The following JARID2 variants were observed in gnomAD, a reference collection of about 807,000 sequenced individuals.
The protein encoded by JARID2 is jumonji and AT-rich interaction domain containing 2, also known as protein Jumonji.
A neutral mutation model predicts 125.6 loss-of-function variants in JARID2; 21 were observed. The ratio of observed to expected loss-of-function variants is 0.17; its 90% CI spans 0.12 to 0.24. The LOEUF is 0.24. Among genes scored for constraint, JARID2 ranks in the 10% least tolerant of loss-of-function variants. The pLI is 1.00. For synonymous variants in JARID2, 736 were observed against 661.6 expected (o/e 1.11, Z -1.73); for missense variants, 1,303 against 1,639.6 (o/e 0.79, Z 3.55).
chr6:15,376,063 G>T (rs1764341630), intron 2 of JARID2, among the ~76,000 whole-genome samples: 2 of 152,194 alleles, frequency 1.3e-5, no homozygotes, highest in South Asian at 4.1e-4. Flanking sequence ...TTTAGCTCTG[G>T]CAGAGTCAAG....
Position 15,410,322 on chromosome 6 carries a change from G to A in JARID2, c.280G>A (p.Asp94Asn), listed in dbSNP as rs759623258. ...ATCCCAAGTGTCCTCCACTAGCAAC[G>A]ATGTTAGTTCTTCAGATTTTGAAGA... is the stretch of plus-strand genomic sequence containing the variant. The part of the protein sequence containing the change: ...DASQVSSTSN[D>N]VSSSDFEEGP... The change falls in exon 3 of 18, where the codon GAT becomes AAT. Residue 94 changes from aspartate (D) to asparagine (N), a missense_variant. Asp to Asn is a conservative substitution (Grantham distance 23). This residue lies in a region of JARID2 where 93 missense variants were observed against 120.4 expected (regional missense o/e 0.77). Coordinates refer to ENST00000341776, the MANE Select transcript of JARID2 (RefSeq NM_004973.4). 5 of 1,614,088 alleles carry A rather than the reference G, an allele frequency of 3.1e-6. No homozygotes were observed. The highest frequency in any genetic ancestry group is 2.2e-5 in the East Asian group (1 of 44,884).
At chr6:15,461,261 G>A (rs1313505564) in intron 4 of JARID2, among the ~76,000 whole-genome samples, 3 of 152,208 alleles carry the variant, frequency 2.0e-5, no homozygotes, top group African/African-American at 7.2e-5. Flanking sequence ...ATTAGCGTGG[G>A]AATAGGAGAT....
intron 5 of JARID2, among the ~76,000 whole-genome samples, chr6:15,473,569 A>C (rs1246117051): frequency 8.5e-6 from 1 of 117,510 alleles, no homozygotes; most frequent in Non-Finnish European, 1.7e-5. Flanking sequence ...CCATATACCA[A>C]GGTCCTTAAG....
chr6:15,412,538 G>A (rs1303220528), intron 3 of JARID2, among the ~76,000 whole-genome samples: 1 of 152,124 alleles, frequency 6.6e-6, no homozygotes, highest in Non-Finnish European at 1.5e-5. Context: ...TGAACTCCCA[G>A]CCTCAAGTGA....
At chr6:15,334,428 G>A in intron 1 of JARID2, among the ~76,000 whole-genome samples, 1 of 152,156 alleles carries the variant, frequency 6.6e-6, no homozygotes, top group East Asian at 1.9e-4. Flanking sequence ...GTATTTTAAT[G>A]TGAGGATGCT....
At chr6:15,255,111 G>A (rs1021862603) in intron 1 of JARID2, among the ~76,000 whole-genome samples, 13 of 147,206 alleles carry the variant, frequency 8.8e-5, no homozygotes, top group African/African-American at 3.2e-4. Context: ...AGAGTCTTCC[G>A]TCATACACAT....
chr6:15,383,698 A>G (rs1439423731), intron 2 of JARID2, among the ~76,000 whole-genome samples: 1 of 152,026 alleles, frequency 6.6e-6, no homozygotes, highest in Non-Finnish European at 1.5e-5. Flanking sequence ...CCCAAGCCAC[A>G]TTTCCATTAT....
chr6:15,473,672 G>A (rs1190949124), intron 5 of JARID2, among the ~76,000 whole-genome samples: 5 of 152,032 alleles, frequency 3.3e-5, no homozygotes, highest in African/African-American at 1.2e-4. Flanking sequence ...CCCTTTGTAG[G>A]CATCCGAGTA....
intron 4 of JARID2, among the ~76,000 whole-genome samples, chr6:15,453,630 A>G (rs1406741538): frequency 6.6e-6 from 1 of 152,264 alleles, no homozygotes; most frequent in Non-Finnish European, 1.5e-5. Flanking sequence ...CATCTTTATC[A>G]TAATTGTATG....
intron 1 of JARID2, among the ~76,000 whole-genome samples, chr6:15,355,230 TTAAG>T (rs1475212757): frequency 6.6e-6 from 1 of 152,210 alleles, no homozygotes; most frequent in Non-Finnish European, 1.5e-5. Context: ...TTAATTTAAT[TTAAG>T]TGATACTTTG....
chr6:15,364,649 A>G (rs1289282955), intron 1 of JARID2, among the ~76,000 whole-genome samples: 2 of 152,168 alleles, frequency 1.3e-5, no homozygotes, highest in Admixed American at 1.3e-4. Context: ...CTTATCTCCC[A>G]CAGTTTTCTT....
intron 4 of JARID2, among the ~76,000 whole-genome samples, chr6:15,458,557 A>T (rs886437129): frequency 2.0e-5 from 3 of 152,252 alleles, no homozygotes; most frequent in African/African-American, 7.2e-5. Context: ...TTAATTCAGC[A>T]AACCTTTATT....
chr6:15,366,517 G>GC (rs1561816544), intron 1 of JARID2, among the ~76,000 whole-genome samples: 6 of 131,036 alleles, frequency 4.6e-5, no homozygotes, highest in African/African-American at 1.9e-4. Context: ...GGCGGGGGGG[G>GC]CGGGGGGGGT....
chr6:15,459,014 A>C (rs531591554), intron 4 of JARID2, among the ~76,000 whole-genome samples: 10 of 152,198 alleles, frequency 6.6e-5, no homozygotes, highest in Non-Finnish European at 1.2e-4. Flanking sequence ...AAATCGATTG[A>C]GGCTGCAGGG....
chr6:15,296,459 C>G (rs1194708439), intron 1 of JARID2, among the ~76,000 whole-genome samples: 1 of 152,076 alleles, frequency 6.6e-6, no homozygotes, highest in Non-Finnish European at 1.5e-5. Context: ...TGAAAAGTTG[C>G]AAAACCTAGT....
At chr6:15,255,925 C>G (rs1057513495) in intron 1 of JARID2, among the ~76,000 whole-genome samples, 5 of 152,116 alleles carry the variant, frequency 3.3e-5, no homozygotes, top group Non-Finnish European at 2.9e-5. Context: ...CAGTAATGGA[C>G]AAGGTTGGGA....
At chr6:15,511,803 T>C (rs936644919) in intron 13 of JARID2, among the ~76,000 whole-genome samples, 1 of 152,176 alleles carries the variant, frequency 6.6e-6, no homozygotes, top group African/African-American at 2.4e-5. Context: ...CTCTGGCCTC[T>C]GCTGACCCTG....
chr6:15,442,964 A>G (rs1410891230), intron 3 of JARID2, among the ~76,000 whole-genome samples: 2 of 152,132 alleles, frequency 1.3e-5, no homozygotes, highest in Non-Finnish European at 2.9e-5. Context: ...CCTGAGATTT[A>G]TATGCACCAA....
intron 5 of JARID2, among the ~76,000 whole-genome samples, chr6:15,473,869 G>A (rs941241517): frequency 1.3e-5 from 2 of 152,184 alleles, no homozygotes; most frequent in Admixed American, 1.3e-4. Flanking sequence ...AATAAAGCCA[G>A]CTTAGTAATA....
Sources: gnomAD v4.1 joint callset for allele counts (sites outside exome capture counted in the v4.1 genomes callset) on GRCh38, gnomAD v4.1.1 for gene constraint, gnomAD v4.1.1 regional missense constraint, MANE v1.5 for transcripts, NCBI Gene and HGNC (gene_info 2026-07-23, HGNC 2026-07-21) for gene names.